AGMO: variants seen among roughly 807,000 people sequenced by gnomAD.
The protein encoded by AGMO is glyceryl-ether monooxygenase.
A neutral mutation model predicts 60.2 loss-of-function variants in AGMO; 75 were observed. That is an observed-to-expected ratio of 1.25 (90% CI 1.03 to 1.51). The LOEUF is 1.51. Ranked by LOEUF, AGMO falls within the 40% of genes most tolerant of loss-of-function variation. The pLI is 0.00. For synonymous variants in AGMO, 261 were observed against 177.1 expected, an observed-to-expected ratio of 1.47 and a Z score of -3.76; for missense variants, 763 against 525.5, an observed-to-expected ratio of 1.45 and a Z score of -4.42.
At chr7:15,539,364 T>G (rs942439952) in intron 3 of AGMO, among the ~76,000 whole-genome samples, 8 of 152,156 alleles carry the variant, frequency 5.3e-5, no homozygotes, top group South Asian at 2.1e-4. Flanking sequence ...TCTCGTTGTA[T>G]AGCTCCCACT....
intron 3 of AGMO, among the ~76,000 whole-genome samples, chr7:15,469,325 G>C (rs980819085): frequency 1.3e-4 from 19 of 151,994 alleles, no homozygotes; most frequent in African/African-American, 4.3e-4. Flanking sequence ...GCTCAGGAAA[G>C]TTAGTTAAAA....
At chr7:15,336,762 A>AG (rs1781676038) in intron 12 of AGMO, among the ~76,000 whole-genome samples, 1 of 152,090 alleles carries the variant, frequency 6.6e-6, no homozygotes, top group East Asian at 1.9e-4. Flanking sequence ...GGCTAGTCTT[A>AG]GGTTATAATA....
intron 3 of AGMO, among the ~76,000 whole-genome samples, chr7:15,544,225 G>A (rs1354471166): frequency 1.3e-5 from 2 of 151,658 alleles, no homozygotes; most frequent in Admixed American, 6.6e-5. Flanking sequence ...AGGGGGAGAG[G>A]GTGGGGGTGG....
At position 15,350,799 on chromosome 7, in the gene AGMO, A is replaced by C. The variant is rs116287149; in HGVS notation, c.1263+14715T>G. Among the ~76,000 whole-genome samples the C allele has an allele frequency of 4.9e-3, 751 of 152,292 alleles. 9 individuals are homozygous for C. The highest frequency in any genetic ancestry group is 0.017 in the African/African-American group (706 of 41,586). On this transcript the variant is annotated intron_variant, in intron 12 of 12. Coordinates refer to ENST00000342526, the MANE Select transcript of AGMO (RefSeq NM_001004320.2). Reference sequence around the variant, plus strand: ...ATTGTTAAAGGCTGTGTATAGTTTCATTATTTTATCTTAATAAAAGGAAGT... The same window carrying C: ...ATTGTTAAAGGCTGTGTATAGTTTCCTTATTTTATCTTAATAAAAGGAAGT...
intron 3 of AGMO, among the ~76,000 whole-genome samples, chr7:15,505,797 G>A (rs1478039226): frequency 1.3e-5 from 2 of 151,854 alleles, no homozygotes; most frequent in African/African-American, 2.4e-5. Context: ...TAATAACAGA[G>A]TCTAAGAAAT....
At chr7:15,427,286 A>C (rs964257318) in intron 4 of AGMO, among the ~76,000 whole-genome samples, 2 of 152,254 alleles carry the variant, frequency 1.3e-5, no homozygotes, top group East Asian at 1.9e-4. Context: ...TTAATAAACT[A>C]TTTATTTTAT....
intron 12 of AGMO, among the ~76,000 whole-genome samples, chr7:15,308,500 GTTGTCTCATTTGCTTGTA>G (rs1780678284): frequency 6.6e-6 from 1 of 151,998 alleles, no homozygotes; most frequent in South Asian, 2.1e-4. Context: ...GTAACTGTTT[GTTGTCTCATTTGCTTGTA>G]TTAACTCATT....
At chr7:15,269,774 A>G (rs758939136) in intron 12 of AGMO, among the ~76,000 whole-genome samples, 1 of 151,944 alleles carries the variant, frequency 6.6e-6, no homozygotes, top group Non-Finnish European at 1.5e-5. Context: ...CCCTACTCCC[A>G]TAAGAGTCCT....
chr7:15,122,547 C>T, the AGMO span, among the ~76,000 whole-genome samples: 1 of 152,060 alleles, frequency 6.6e-6, no homozygotes, highest in Non-Finnish European at 1.5e-5. Context: ...CCAAAATGAG[C>T]TCCTAATCTG....
chr7:15,457,468 C>T (rs977742974), intron 3 of AGMO, among the ~76,000 whole-genome samples: 3 of 152,110 alleles, frequency 2.0e-5, no homozygotes, highest in African/African-American at 7.2e-5. Context: ...CTTAGAAACC[C>T]TACTGTGAAT....
chr7:15,189,973 C>T, the AGMO span, among the ~76,000 whole-genome samples: 2 of 150,590 alleles, frequency 1.3e-5, no homozygotes, highest in East Asian at 1.9e-4. Flanking sequence ...GTTTTGGGAC[C>T]TTCCCTGCTG....
At chr7:15,134,906 C>G in the AGMO span, among the ~76,000 whole-genome samples, 1 of 151,912 alleles carries the variant, frequency 6.6e-6, no homozygotes, top group Non-Finnish European at 1.5e-5. Flanking sequence ...ACAGTGGAAA[C>G]TTTTAGTTTA....
intron 12 of AGMO, among the ~76,000 whole-genome samples, chr7:15,272,122 A>AT (rs910929587): frequency 2.6e-5 from 4 of 151,372 alleles, no homozygotes; most frequent in African/African-American, 9.8e-5. Context: ...TATCAGGGAT[A>AT]TTGGCCCTTT....
the AGMO span, among the ~76,000 whole-genome samples, chr7:15,152,721 C>T: frequency 6.6e-6 from 1 of 152,092 alleles, no homozygotes; most frequent in African/African-American, 2.4e-5. Flanking sequence ...AAATATACAA[C>T]ATTTTCTTTA....
intron 12 of AGMO, among the ~76,000 whole-genome samples, chr7:15,323,016 A>AG (rs1781228975): frequency 1.9e-5 from 1 of 53,114 alleles, no homozygotes; most frequent in African/African-American, 1.1e-4. Context: ...CAAGAAAGGA[A>AG]ATTTTGTAGG....
At chr7:15,484,416 C>T (rs1009242188) in intron 3 of AGMO, among the ~76,000 whole-genome samples, 1 of 152,090 alleles carries the variant, frequency 6.6e-6, no homozygotes, top group South Asian at 2.1e-4. Context: ...GAGTTAATGA[C>T]TGACGGGAGC....
chr7:15,351,375 C>T (rs985054082), intron 12 of AGMO, among the ~76,000 whole-genome samples: 2 of 152,072 alleles, frequency 1.3e-5, no homozygotes, highest in African/African-American at 4.8e-5. Flanking sequence ...ATTTTGATTA[C>T]AGAAGAGGTA....
At chr7:15,429,718 G>GT (rs1781173861) in intron 4 of AGMO, among the ~76,000 whole-genome samples, 1 of 151,982 alleles carries the variant, frequency 6.6e-6, no homozygotes, top group Non-Finnish European at 1.5e-5. Flanking sequence ...CTGGCTTATA[G>GT]ATTTGTTTTG....
intron 12 of AGMO, among the ~76,000 whole-genome samples, chr7:15,329,179 C>T (rs1000768985): frequency 2.0e-5 from 3 of 152,158 alleles, no homozygotes; most frequent in Non-Finnish European, 2.9e-5. Flanking sequence ...TCTACTGGAA[C>T]GTAAACTCCT....
Sources: gnomAD v4.1 joint callset for allele counts (sites outside exome capture counted in the v4.1 genomes callset) on GRCh38, gnomAD v4.1.1 for gene constraint, MANE v1.5 for transcripts, NCBI Gene and HGNC (gene_info 2026-07-23, HGNC 2026-07-21) for gene names.